The following CUL3 variants were observed in gnomAD, a reference collection of about 807,000 sequenced individuals.
CUL3 encodes the protein cullin 3, also known as cullin-3.
Under a neutral mutation model 89.1 loss-of-function variants are expected in CUL3, and 19 were observed. The observed-to-expected ratio is 0.21, with a 90% CI of 0.15 to 0.31. The LOEUF is 0.31. Ranked by LOEUF, CUL3 falls within the 10% of genes least tolerant of loss-of-function variation. CUL3 has a pLI of 1.00. For synonymous variants in CUL3, 351 were observed against 308.4 expected, an observed-to-expected ratio of 1.14 and a Z score of -1.45; for missense variants, 469 against 942.3, an observed-to-expected ratio of 0.50 and a Z score of 6.58.
rs180970843 is a variant in CUL3 at position 224,512,240 on chromosome 2, C to T, written c.655-658G>A. On this transcript the variant is annotated intron_variant, in intron 5 of 15. Transcript: ENST00000264414. ...CCTCCCGAGTAGCTGGGACTACAGG[C>T]GCCCGCCACCACGCCCGGCTAATTT... Among the ~76,000 whole-genome samples the T allele has an allele frequency of 8.5e-4, 129 of 152,088 alleles. 1 individual carries two copies. Among genetic ancestry groups the T allele is most frequent in the African/African-American group, 2.8e-3 (118 of 41,480 alleles).
chr2:224,528,912 T>C (rs1414919635), intron 3 of CUL3, among the ~76,000 whole-genome samples: 5 of 152,158 alleles, frequency 3.3e-5, no homozygotes, highest in Non-Finnish European at 7.4e-5. Flanking sequence ...TGAAAATGAC[T>C]GGAAATACAA....
Position 224,572,268 on chromosome 2 carries a change from C to T in CUL3, c.66+12676G>A, listed in dbSNP as rs563519751. Among the ~76,000 whole-genome samples, 17 of 152,280 alleles carry T rather than the reference C, an allele frequency of 1.1e-4. 1 individual carries two copies. The South Asian group carries it at 3.5e-3, about 32-fold the overall frequency. On this transcript the variant is annotated intron_variant, in intron 1 of 15. Coordinates refer to ENST00000264414, the MANE Select transcript of CUL3 (RefSeq NM_003590.5). ...CATCTGTTGAGAAAGAACAGATTCTCTCAAAAGTCTCTGCCACGGTTTGAA... is the reference window on the plus strand; with the variant it reads ...CATCTGTTGAGAAAGAACAGATTCTTTCAAAAGTCTCTGCCACGGTTTGAA...
At chr2:224,517,157 A>G (rs1209497771) in intron 3 of CUL3, among the ~76,000 whole-genome samples, 4 of 152,356 alleles carry the variant, frequency 2.6e-5, no homozygotes, top group African/African-American at 9.6e-5. Flanking sequence ...AGTTCTACAT[A>G]TAAGTATATA....
chr2:224,534,297 A>G (rs1334278867), intron 3 of CUL3, among the ~76,000 whole-genome samples: 3 of 152,200 alleles, frequency 2.0e-5, no homozygotes, highest in Non-Finnish European at 4.4e-5. Context: ...TTGACTGATG[A>G]AAACAAAATA....
chr2:224,508,717 T>C (rs1294661564), intron 6 of CUL3, among the ~76,000 whole-genome samples: 2 of 152,156 alleles, frequency 1.3e-5, no homozygotes, highest in African/African-American at 4.8e-5. Context: ...CCCAACACTT[T>C]GGGAGGCTGA....
At chr2:224,550,189 G>A (rs1417369092) in intron 2 of CUL3, among the ~76,000 whole-genome samples, 1 of 152,142 alleles carries the variant, frequency 6.6e-6, no homozygotes, top group Non-Finnish European at 1.5e-5. Context: ...TTGAGTATTT[G>A]CATATACATA....
intron 2 of CUL3, among the ~76,000 whole-genome samples, chr2:224,541,953 T>A (rs1694123985): frequency 6.6e-6 from 1 of 152,152 alleles, no homozygotes; most frequent in Admixed American, 6.5e-5. Context: ...CAAGCAACTG[T>A]TCTATATCAA....
At chr2:224,557,898 A>AAAAAC in intron 1 of CUL3, 42 bp from the exon 2 acceptor site, 2 of 1,138,248 alleles carry the variant, frequency 1.8e-6, no homozygotes, top group Non-Finnish European at 2.5e-6. Flanking sequence ...AAAAAAAAAA[A>AAAAAC]AAAAAAACCA....
intron 1 of CUL3, among the ~76,000 whole-genome samples, chr2:224,564,473 TGA>T (rs1236753414): frequency 6.6e-6 from 1 of 152,354 alleles, no homozygotes; most frequent in Admixed American, 6.5e-5. Context: ...CAAGATATTT[TGA>T]GAGACCACAT....
intron 8 of CUL3, 37 bp from the exon 9 acceptor site, chr2:224,503,859 T>C: frequency 6.8e-7 from 1 of 1,464,940 alleles, no homozygotes; most frequent in East Asian, 2.3e-5. Flanking sequence ...TATACAATTT[T>C]AGTTCTACAA....
rs1692484584 is a variant in CUL3, at chr2:224,503,662, G to A, written c.1367C>T (p.Ser456Phe). 1 of 1,585,692 alleles carries A rather than the reference G, an allele frequency of 6.3e-7. No homozygotes were observed. ...TAAAACACACCTTACCTTTAACTTA[G>A]ATATCATGTTTTTTTCAGAGTCATC... The part of the protein sequence containing the change: ...VSDDSEKNMI[S>F]KLKTECGCQF... Residue 456 changes from serine (S) to phenylalanine (F), a missense_variant, in exon 9 of 16, where the codon TCT becomes TTT. Coordinates refer to ENST00000264414, the MANE Select transcript of CUL3 (RefSeq NM_003590.5).
intron 1 of CUL3, among the ~76,000 whole-genome samples, chr2:224,576,748 A>G (rs916324426): frequency 6.6e-6 from 1 of 151,816 alleles, no homozygotes; most frequent in Admixed American, 6.6e-5. Context: ...GAAAAACTAG[A>G]TGTGTTTTTA....
intron 3 of CUL3, among the ~76,000 whole-genome samples, chr2:224,517,369 A>C (rs1242558923): frequency 6.6e-6 from 1 of 152,150 alleles, no homozygotes; most frequent in African/African-American, 2.4e-5. Flanking sequence ...CTGTGACTGA[A>C]GCTCAATATT....
At chr2:224,504,551 C>T (rs368212010) in intron 8 of CUL3, among the ~76,000 whole-genome samples, 34 of 152,242 alleles carry the variant, frequency 2.2e-4, no homozygotes, top group African/African-American at 8.2e-4. Context: ...TCAGGTGATC[C>T]GCCGCCTTTG....
At chr2:224,499,922 G>GT (rs201401266) in intron 11 of CUL3, 239 of 152,366 alleles carry the variant, frequency 1.6e-3, no homozygotes, top group Admixed American at 4.2e-3. Flanking sequence ...TATCACTCTT[G>GT]TTTTTTTTTC....
At chr2:224,549,400 T>C (rs1694426658) in intron 2 of CUL3, among the ~76,000 whole-genome samples, 1 of 152,136 alleles carries the variant, frequency 6.6e-6, no homozygotes, top group African/African-American at 2.4e-5. Flanking sequence ...TTAGAGACTA[T>C]TATCTTCCTA....
intron 3 of CUL3, among the ~76,000 whole-genome samples, chr2:224,521,090 CT>C (rs1465755990): frequency 6.6e-6 from 1 of 152,128 alleles, no homozygotes; most frequent in Non-Finnish European, 1.5e-5. Context: ...CAACTTAACT[CT>C]TACTACTTAA....
rs1553532440 is a variant in CUL3, at chr2:224,542,515, A to ATG, written c.265-6876_265-6875dup. ...GCTTTTTGTGTGTGTGTGTGTGTGT[A>ATG]TGTGTGTGTGTGTGCCAGCACTTCT... On this transcript the variant is annotated intron_variant, in intron 2 of 15. Transcript: ENST00000264414. 6.8e-3 allele frequency among the ~76,000 whole-genome samples: 833 copies of ATG among 122,386 alleles called. 24 individuals are homozygous for ATG. In the East Asian group the frequency reaches 0.092, roughly 14 times the overall value. The allele number at this position is 122,386 out of a possible 152,430, so 80.3% of individuals were successfully genotyped here. A position where few individuals can be genotyped will look rare whatever the true frequency, so the allele number is the denominator to read the frequency against.
intron 1 of CUL3, among the ~76,000 whole-genome samples, chr2:224,569,032 C>G (rs1559236401): frequency 1.3e-5 from 2 of 152,128 alleles, no homozygotes; most frequent in African/African-American, 4.8e-5. Context: ...ACAATAAAAA[C>G]TTTAAGCTAT....
Sources: gnomAD v4.1 joint callset for allele counts (sites outside exome capture counted in the v4.1 genomes callset) on GRCh38, gnomAD v4.1.1 for gene constraint, MANE v1.5 for transcripts, NCBI Gene and HGNC (gene_info 2026-07-23, HGNC 2026-07-21) for gene names.